Variants in FMN1 observed in about 807,000 individuals in gnomAD.
FMN1 encodes the protein formin-1.
In FMN1, 110 loss-of-function variants were observed where a neutral mutation model predicts 132.4. That is an observed-to-expected ratio of 0.83 (90% CI 0.71 to 0.97). The LOEUF is 0.97. Ranked by LOEUF, FMN1 falls within the 50% of genes least tolerant of loss-of-function variation. The pLI is 0.00. For missense variants in FMN1, 1,792 were observed against 1,705.3 expected, an observed-to-expected ratio of 1.05 and a Z score of -0.90; for synonymous variants, 722 against 651.7, an observed-to-expected ratio of 1.11 and a Z score of -1.64.
intron 4 of FMN1, among the ~76,000 whole-genome samples, chr15:33,143,802 G>A (rs144765342): frequency 2.0e-5 from 3 of 152,284 alleles, no homozygotes; most frequent in Non-Finnish European, 4.4e-5. Flanking sequence ...TTAATTTACT[G>A]TTTATGAAAC....
chr15:33,143,602 A>G (rs1964095372), intron 4 of FMN1, among the ~76,000 whole-genome samples: 1 of 152,204 alleles, frequency 6.6e-6, no homozygotes, highest in African/African-American at 2.4e-5. Flanking sequence ...ATGGGACACC[A>G]AGAACAAAGC....
chr15:33,084,125 A>G (rs573413072), intron 5 of FMN1, among the ~76,000 whole-genome samples: 6 of 152,222 alleles, frequency 3.9e-5, no homozygotes, highest in Non-Finnish European at 8.8e-5. Context: ...AGGTATATTC[A>G]GTCAAGCAGC....
chr15:32,833,052 C>G (rs2058540065), intron 17 of FMN1, among the ~76,000 whole-genome samples: 1 of 152,090 alleles, frequency 6.6e-6, no homozygotes, highest in Non-Finnish European at 1.5e-5. Context: ...TCCTTTCTCC[C>G]CTCCTCCTCT....
At chr15:32,823,671 A>G (rs567870546) in intron 17 of FMN1, among the ~76,000 whole-genome samples, 2 of 152,242 alleles carry the variant, frequency 1.3e-5, no homozygotes, top group East Asian at 3.8e-4. Flanking sequence ...AAAATGCTAA[A>G]GTAGCAATTT....
chr15:33,069,991 CTCTTTTTTT>C lies in FMN1; in HGVS notation c.2044-4926_2044-4918del, dbSNP rs1367763399. Among the ~76,000 whole-genome samples, 4 of 59,554 alleles carry C rather than the reference CTCTTTTTTT, an allele frequency of 6.7e-5. No homozygotes were observed. The East Asian group carries it at 4.5e-3, about 66-fold the overall frequency. 39.1% of individuals were successfully genotyped at this position (59,554 alleles called of 152,430 possible). A position where few individuals can be genotyped will look rare whatever the true frequency, so the allele number is the denominator to read the frequency against. On this transcript the variant is annotated intron_variant, in intron 5 of 20. Coordinates refer to ENST00000616417, the MANE Select transcript of FMN1 (RefSeq NM_001277313.2). ...ACAACAGATCATAAGATCAGTCTTT[CTCTTTTTTT>C]TTTTTTTTTTTTTTTTTTTTTTGAG...
intron 16 of FMN1, among the ~76,000 whole-genome samples, chr15:32,862,528 T>A (rs2059294068): frequency 6.6e-6 from 1 of 152,190 alleles, no homozygotes; most frequent in Admixed American, 6.5e-5. Flanking sequence ...AAAGGAAAGA[T>A]ATGGCCTAGA....
Position 32,765,914 on chromosome 15 carries a change from CAT to C in FMN1, c.*8394_*8395del, listed in dbSNP as rs766998681. 2 of 152,102 alleles carry C rather than the reference CAT, an allele frequency of 1.3e-5. No individual in the cohort carries two copies. Among genetic ancestry groups the C allele is most frequent in the Non-Finnish European group, 1.5e-5 (1 of 68,014 alleles). 9.4% of individuals were successfully genotyped at this position (152,102 alleles called of 1,614,324 possible). ...GCAAATGACATTTATAAATTCAACT[CAT>C]GAGCATTTCTCAGCTTTGACAAAAT... is the stretch of plus-strand genomic sequence containing the variant. On this transcript the variant is annotated 3_prime_UTR_variant, in exon 21 of 21. Coordinates refer to ENST00000616417, the MANE Select transcript of FMN1 (RefSeq NM_001277313.2).
chr15:32,776,979 G>A, intron 19 of FMN1, 60 bp from the exon 20 acceptor site: 7 of 1,056,400 alleles, frequency 6.6e-6, no homozygotes, highest in Admixed American at 2.1e-5. Flanking sequence ...GAGGGAAAAG[G>A]AAAGAAGAAA....
chr15:33,006,907 G>T (rs1285843672), intron 7 of FMN1, among the ~76,000 whole-genome samples: 1 of 152,084 alleles, frequency 6.6e-6, no homozygotes, highest in Admixed American at 6.6e-5. Context: ...GAAAAGTGGG[G>T]AAGGATTAGG....
intron 17 of FMN1, among the ~76,000 whole-genome samples, chr15:32,804,955 G>C (rs1459945375): frequency 1.3e-5 from 2 of 152,104 alleles, no homozygotes; most frequent in Non-Finnish European, 2.9e-5. Context: ...ATTGTGAATA[G>C]TGCCACAATA....
Position 33,003,535 on chromosome 15 carries a change from T to G in FMN1, c.2223+4479A>C, listed in dbSNP as rs374335356. ...AGGAGAACTACAAACCACTGCTCAA[T>G]GAAATAAAAGAGGATACAAACAAAT... On this transcript the variant is annotated intron_variant, in intron 7 of 20. Coordinates refer to ENST00000616417, the MANE Select transcript of FMN1 (RefSeq NM_001277313.2). 2.6e-5 allele frequency among the ~76,000 whole-genome samples: 4 copies of G among 152,184 alleles called. No individual in the cohort carries two copies. The East Asian group carries it at 5.8e-4, about 22-fold the overall frequency.
At position 33,155,148 on chromosome 15, in the gene FMN1, G is replaced by T. The variant is rs186169806; in HGVS notation, c.-131-103C>A. The T allele has an allele frequency of 2.4e-4, 101 of 428,608 alleles. No homozygotes were observed. In the East Asian group the frequency reaches 3.5e-3, roughly 15 times the overall value. The allele number at this position is 428,608 out of a possible 1,614,324, so 26.6% of individuals were successfully genotyped here. A position where few individuals can be genotyped will look rare whatever the true frequency, so the allele number is the denominator to read the frequency against. ...AACCATGACTTATCCTTCCTCTGTG[G>T]CTGACCTCAACAACTCAAGGAATCA... On this transcript the variant is annotated intron_variant, in intron 3 of 20. Transcript: ENST00000616417.
At chr15:32,811,596 C>A (rs2057880018) in intron 17 of FMN1, among the ~76,000 whole-genome samples, 1 of 151,312 alleles carries the variant, frequency 6.6e-6, no homozygotes, top group Admixed American at 6.6e-5. Context: ...ACCTCCCAGG[C>A]TGATGTGCTA....
chr15:33,081,152 T>C (rs2038439428), intron 5 of FMN1, among the ~76,000 whole-genome samples: 1 of 152,130 alleles, frequency 6.6e-6, no homozygotes, highest in African/African-American at 2.4e-5. Context: ...CTTGAAGTGG[T>C]TCCATTAAGA....
chr15:32,898,896 A>T lies in FMN1; in HGVS notation c.3655-3T>A, dbSNP rs745602515. 6.3e-7 allele frequency: 1 copy of T among 1,575,818 alleles called. No homozygotes were observed. The highest frequency in any genetic ancestry group is 8.7e-7 in the Non-Finnish European group (1 of 1,147,308). On this transcript the variant is annotated splice_polypyrimidine_tract_variant and splice_region_variant and intron_variant, in intron 14 of 20. Transcript: ENST00000616417. ...TCCACCAGATTAATCCCATTATCCTAGGTTTAAAAGAGAAATGTACATGAA... is the reference window on the plus strand; with the variant it reads ...TCCACCAGATTAATCCCATTATCCTTGGTTTAAAAGAGAAATGTACATGAA...
At chr15:32,809,178 T>C (rs2057785427) in intron 17 of FMN1, among the ~76,000 whole-genome samples, 1 of 152,184 alleles carries the variant, frequency 6.6e-6, no homozygotes, top group Non-Finnish European at 1.5e-5. Flanking sequence ...CTGTAATCTT[T>C]GACCTGATTA....
At chr15:33,112,748 T>G (rs1056928928) in intron 4 of FMN1, among the ~76,000 whole-genome samples, 2 of 152,186 alleles carry the variant, frequency 1.3e-5, no homozygotes, top group Admixed American at 6.5e-5. Context: ...TTAGGATATT[T>G]TCCCTGTTCT....
intron 7 of FMN1, among the ~76,000 whole-genome samples, chr15:32,977,829 C>G (rs1261576467): frequency 1.3e-5 from 2 of 151,844 alleles, no homozygotes; most frequent in Non-Finnish European, 2.9e-5. Flanking sequence ...ACTCTGAAAA[C>G]CAGTGATAAG....
intron 4 of FMN1, among the ~76,000 whole-genome samples, chr15:33,109,013 A>G (rs1464415410): frequency 6.6e-6 from 1 of 152,066 alleles, no homozygotes; most frequent in Middle Eastern, 3.2e-3. Context: ...CATGCCTACA[A>G]TTAACCCAAG....
Sources: allele counts gnomAD v4.1 joint callset (sites outside exome capture counted in the v4.1 genomes callset), GRCh38; gene constraint gnomAD v4.1.1; transcripts MANE v1.5; gene names NCBI Gene and HGNC (gene_info 2026-07-23, HGNC 2026-07-21).